GABBR2: variants seen among roughly 807,000 people sequenced by gnomAD.
GABBR2 encodes G-protein coupled receptor 51.
In GABBR2, 23 loss-of-function variants were observed where a neutral mutation model predicts 105.6. The observed-to-expected ratio is 0.22, with a 90% CI of 0.16 to 0.31. GABBR2 has a LOEUF of 0.31. GABBR2 is among the 10% of genes least tolerant of loss of function. GABBR2 has a pLI of 1.00. For synonymous variants in GABBR2, 478 were observed against 499.7 expected (o/e 0.96, Z 0.58); for missense variants, 734 against 1,245.5 (o/e 0.59, Z 6.18).
At chr9:98,474,478 CA>C (rs1826748424) in intron 5 of GABBR2, among the ~76,000 whole-genome samples, 2 of 152,076 alleles carry the variant, frequency 1.3e-5, no homozygotes, top group Non-Finnish European at 2.9e-5. Context: ...CGTAAGTAAA[CA>C]AAATACCCAG....
At chr9:98,601,747 G>A (rs1453514428) in intron 1 of GABBR2, among the ~76,000 whole-genome samples, 1 of 152,182 alleles carries the variant, frequency 6.6e-6, no homozygotes, top group Non-Finnish European at 1.5e-5. Context: ...GTTAAGGCCA[G>A]TATGGGCCAA....
intron 7 of GABBR2, among the ~76,000 whole-genome samples, chr9:98,431,708 G>T (rs1564066310): frequency 6.6e-6 from 1 of 151,300 alleles, no homozygotes; most frequent in Non-Finnish European, 1.5e-5. Context: ...GTTTTGTTTT[G>T]TTTTTTTGAT....
chr9:98,621,568 G>A (rs1376157846), intron 1 of GABBR2, among the ~76,000 whole-genome samples: 1 of 152,198 alleles, frequency 6.6e-6, no homozygotes, highest in Non-Finnish European at 1.5e-5. Flanking sequence ...AGCAGCCACT[G>A]CTGCTATCAG....
At chr9:98,659,068 A>G (rs1183962013) in intron 1 of GABBR2, among the ~76,000 whole-genome samples, 1 of 152,240 alleles carries the variant, frequency 6.6e-6, no homozygotes, top group Non-Finnish European at 1.5e-5. Context: ...AAGAAAAACT[A>G]TTATACGTCT....
chr9:98,708,913 A>C lies in GABBR2; in HGVS notation c.-176T>G. 1 of 163,384 alleles carries C rather than the reference A, an allele frequency of 6.1e-6. No individual in the cohort carries two copies. Among genetic ancestry groups the C allele is most frequent in the Non-Finnish European group, 1.1e-5 (1 of 87,642 alleles). 10.1% of individuals were successfully genotyped at this position (163,384 alleles called of 1,614,324 possible). A position where few individuals can be genotyped will look rare whatever the true frequency, so the allele number is the denominator to read the frequency against. On this transcript the variant is annotated 5_prime_UTR_variant, in exon 1 of 19. Transcript: ENST00000259455. The stretch of plus-strand genomic sequence containing the variant: ...GAACGGCCGCGGCGGCGGCGGCGGC[A>C]GCGGCGGCGCCCGTGACGGATCAAT...
chr9:98,370,028 G>C (rs1831750746), intron 12 of GABBR2, among the ~76,000 whole-genome samples: 1 of 152,066 alleles, frequency 6.6e-6, no homozygotes, highest in East Asian at 1.9e-4. Context: ...ACTCCTGCTT[G>C]AGAAACCTAA....
chr9:98,480,911 T>C (rs746247677), intron 5 of GABBR2, 21 bp downstream of exon 5: 2 of 1,461,842 alleles, frequency 1.4e-6, no homozygotes, highest in East Asian at 4.5e-5. Flanking sequence ...AAGACACGAA[T>C]GATACAACTG....
rs1324958809 is a variant in GABBR2 at position 98,388,659 on chromosome 9, G to GTGTGTA, written c.1529+194_1529+195insTACACA. 6.8e-5 allele frequency among the ~76,000 whole-genome samples: 10 copies of GTGTGTA among 146,944 alleles called. No individual in the cohort carries two copies. Among genetic ancestry groups the GTGTGTA allele is most frequent in the African/African-American group, 2.3e-4 (9 of 38,674 alleles). On this transcript the variant is annotated intron_variant, in intron 10 of 18. Coordinates refer to ENST00000259455, the MANE Select transcript of GABBR2 (RefSeq NM_005458.8). This position sits in a 1 kb window ranked among gnomAD's most constrained non-coding sequence, Gnocchi z 4.4. ...TGTGTGTGTGTGTGTGTGTGTGTGT[G>GTGTGTA]TGCGTGCACGCACACACACGTACTC... is the stretch of plus-strand genomic sequence containing the variant.
intron 1 of GABBR2, among the ~76,000 whole-genome samples, chr9:98,688,440 T>C (rs1830647218): frequency 6.6e-6 from 1 of 150,718 alleles, no homozygotes; most frequent in African/African-American, 2.5e-5. Flanking sequence ...CAGAGTCCCA[T>C]GGACAACCAC....
At chr9:98,317,344 G>A (rs574091356) in intron 13 of GABBR2, among the ~76,000 whole-genome samples, 40 of 152,196 alleles carry the variant, frequency 2.6e-4, no homozygotes, top group African/African-American at 8.2e-4. Flanking sequence ...AGAGCAGCTG[G>A]CCCGAGAGTC....
intron 7 of GABBR2, among the ~76,000 whole-genome samples, chr9:98,417,718 C>T (rs1832713127): frequency 1.3e-5 from 2 of 152,012 alleles, no homozygotes; most frequent in South Asian, 4.1e-4. Context: ...CCCAGTCTAA[C>T]AGAGATGACA....
chr9:98,413,354 C>A (rs1035409986), intron 7 of GABBR2, among the ~76,000 whole-genome samples: 2 of 152,070 alleles, frequency 1.3e-5, no homozygotes, highest in Admixed American at 6.5e-5. Context: ...GGAGAAGGTG[C>A]CCTCTGTTTC....
At chr9:98,539,448 A>G (rs1416935914) in intron 3 of GABBR2, among the ~76,000 whole-genome samples, 2 of 152,198 alleles carry the variant, frequency 1.3e-5, no homozygotes, top group African/African-American at 4.8e-5. Context: ...CAGGACCCCA[A>G]AATTTAGTCC....
At position 98,658,613 on chromosome 9, in the gene GABBR2, A is replaced by G. The variant is rs113352620; in HGVS notation, c.321+49804T>C. On this transcript the variant is annotated intron_variant, in intron 1 of 18. Coordinates refer to ENST00000259455, the MANE Select transcript of GABBR2 (RefSeq NM_005458.8). ...AAGACCAGTCCTTATTCAATGTGGC[A>G]TCTTAAAAGCGGGTTCTTCCAAGGA... 9.8e-5 allele frequency among the ~76,000 whole-genome samples: 15 copies of G among 152,312 alleles called. 1 individual carries two copies. In the Middle Eastern group the frequency reaches 0.01, roughly 104 times the overall value.
At chr9:98,521,310 T>C (rs2131712779) in intron 3 of GABBR2, among the ~76,000 whole-genome samples, 1 of 152,218 alleles carries the variant, frequency 6.6e-6, no homozygotes, top group East Asian at 1.9e-4. Context: ...GAGAAAGTAG[T>C]GCGGTGCTGC....
At chr9:98,554,806 T>G (rs572275375) in intron 2 of GABBR2, among the ~76,000 whole-genome samples, 1 of 152,342 alleles carries the variant, frequency 6.6e-6, no homozygotes, top group South Asian at 2.1e-4. Context: ...GGAAAACAAC[T>G]ATTAGTTCCG....
chr9:98,412,230 G>A (rs1269600560), intron 7 of GABBR2, among the ~76,000 whole-genome samples: 4 of 152,254 alleles, frequency 2.6e-5, no homozygotes, highest in East Asian at 3.8e-4. Context: ...CCTGGGCAGG[G>A]GCGTGAAGCT....
chr9:98,654,304 G>A lies in GABBR2; in HGVS notation c.321+54113C>T, dbSNP rs186337781. Among the ~76,000 whole-genome samples, 842 of 152,302 alleles carry A rather than the reference G, an allele frequency of 5.5e-3. 5 individuals are homozygous for A. Among genetic ancestry groups the A allele is most frequent in the South Asian group, 0.014 (68 of 4,826 alleles). On this transcript the variant is annotated intron_variant, in intron 1 of 18. Transcript: ENST00000259455. Reference sequence around the variant, plus strand: ...CCCTCTGCACCTGGTACACAGCCTTGTCATGGCCCATCTCGGCCCCAGCAT... The same window carrying A: ...CCCTCTGCACCTGGTACACAGCCTTATCATGGCCCATCTCGGCCCCAGCAT...
Position 98,303,268 on chromosome 9 carries a change from G to C in GABBR2, c.2385C>G (p.Asn795Lys). 1 of 1,614,194 alleles carries C rather than the reference G, an allele frequency of 6.2e-7. No homozygotes were observed. Among genetic ancestry groups the C allele is most frequent in the Non-Finnish European group, 8.5e-7 (1 of 1,180,020 alleles). ...TSRLEGLQSENHRLRMKITEL... is the reference protein window; with the variant it reads ...TSRLEGLQSEKHRLRMKITEL... ...CTGTGATCTTCATTCGCAGGCGATGGTTTTCTGACTGTAGGCCCTCCAGGC... is the reference window on the plus strand; with the variant it reads ...CTGTGATCTTCATTCGCAGGCGATGCTTTTCTGACTGTAGGCCCTCCAGGC... Residue 795 changes from asparagine to lysine, a missense_variant, in exon 16 of 19, where the codon AAC (asparagine) becomes AAG (lysine). Around this residue, in one of 7 missense-constraint regions of GABBR2, gnomAD observed 91 missense variants for 185.9 expected, o/e 0.49. Coordinates refer to ENST00000259455, the MANE Select transcript of GABBR2 (RefSeq NM_005458.8).
Sources: allele counts gnomAD v4.1 joint callset (sites outside exome capture counted in the v4.1 genomes callset), GRCh38; gene constraint gnomAD v4.1.1; regional missense constraint gnomAD v4.1.1; non-coding constraint Gnocchi (gnomAD v3.1); transcripts MANE v1.5; gene names NCBI Gene and HGNC (gene_info 2026-07-23, HGNC 2026-07-21).